Variants in PAOX observed in about 807,000 individuals in gnomAD.
The protein encoded by PAOX is peroxisomal N(1)-acetyl-spermine/spermidine oxidase.
In PAOX, 38 loss-of-function variants were observed where a neutral mutation model predicts 39.0. That is an observed-to-expected ratio of 0.97 (90% CI 0.75 to 1.28). PAOX has a LOEUF of 1.28. Among genes scored for constraint, PAOX ranks in the 50% most tolerant of loss-of-function variants. The pLI is 0.00. For missense variants in PAOX, 667 were observed against 685.7 expected, an observed-to-expected ratio of 0.97 and a Z score of 0.30; for synonymous variants, 311 against 314.4, an observed-to-expected ratio of 0.99 and a Z score of 0.11.
intron 6 of PAOX, 27 bp from the exon 7 acceptor site, chr10:133,391,285 C>G (rs771452460): frequency 1.2e-6 from 2 of 1,605,560 alleles, no homozygotes; most frequent in Non-Finnish European, 1.7e-6. Flanking sequence ...ATTGCATCCC[C>G]ATTCTAACCC....
Position 133,379,533 on chromosome 10 carries a change from A to G in PAOX, c.181+36A>G, listed in dbSNP as rs1278016565. 4.9e-6 allele frequency: 6 copies of G among 1,222,610 alleles called. No individual in the cohort carries two copies. In the East Asian group the frequency reaches 1.3e-4, roughly 26 times the overall value. The allele number at this position is 1,222,610 out of a possible 1,614,324, so 75.7% of individuals were successfully genotyped here. On this transcript the variant is annotated intron_variant, in intron 1 of 6. Coordinates refer to ENST00000278060, the MANE Select transcript of PAOX (RefSeq NM_152911.4). Reference sequence around the variant, plus strand: ...CTCCCGGAGCCCCTCCCGGAACCCAACCGGCTGCGCCCGAACTCGCCGGCC... The same window carrying G: ...CTCCCGGAGCCCCTCCCGGAACCCAGCCGGCTGCGCCCGAACTCGCCGGCC...
rs1411672361 is a variant in PAOX, at chr10:133,391,689, G to A, written c.*234G>A. 1 of 630,860 alleles carries A rather than the reference G, an allele frequency of 1.6e-6. No homozygotes were observed. The highest frequency in any genetic ancestry group is 1.9e-5 in the African/African-American group (1 of 53,978). 39.1% of individuals were successfully genotyped at this position (630,860 alleles called of 1,614,324 possible). A position where few individuals can be genotyped will look rare whatever the true frequency, so the allele number is the denominator to read the frequency against. ...TGCTGGACACATAAAGCAAGTTACA[G>A]CCACAGCTCCCAGAGCCATCTTTCC... On this transcript the variant is annotated 3_prime_UTR_variant, in exon 7 of 7. Coordinates refer to ENST00000278060, the MANE Select transcript of PAOX (RefSeq NM_152911.4).
intron 5 of PAOX, 73 bp downstream of exon 5, chr10:133,389,141 T>C: frequency 7.7e-7 from 1 of 1,291,152 alleles, no homozygotes; most frequent in Non-Finnish European, 1.1e-6. Flanking sequence ...AAACTAGACT[T>C]TGCAGAACAG....
At position 133,391,420 on chromosome 10, in the gene PAOX, G is replaced by A. The variant is rs141719586; in HGVS notation, c.1501G>A (p.Ala501Thr). The change falls in exon 7 of 7, where the codon GCC becomes ACC. Residue 501 changes from alanine to threonine, a missense_variant. Coordinates refer to ENST00000278060, the MANE Select transcript of PAOX (RefSeq NM_152911.4). ...READRLLSLW[A>T]PQVQQPRPRL Reference sequence around the variant, plus strand: ...GGCCGACCGCCTCCTCAGTCTGTGGGCCCCGCAGGTGCAGCAGCCCAGGCC... The same window carrying A: ...GGCCGACCGCCTCCTCAGTCTGTGGACCCCGCAGGTGCAGCAGCCCAGGCC... The A allele has an allele frequency of 1.2e-6, 2 of 1,612,614 alleles. No individual in the cohort carries two copies. Among genetic ancestry groups the A allele is most frequent in the African/African-American group, 2.7e-5 (2 of 74,922 alleles).
intron 4 of PAOX, among the ~76,000 whole-genome samples, chr10:133,387,718 C>T (rs774029279): frequency 1.3e-5 from 2 of 152,182 alleles, no homozygotes; most frequent in African/African-American, 4.8e-5. Context: ...CGCTTCTCCA[C>T]GCAGATTATT....
chr10:133,381,140 G>A (rs1298042695), intron 2 of PAOX, among the ~76,000 whole-genome samples: 1 of 152,240 alleles, frequency 6.6e-6, no homozygotes, highest in Non-Finnish European at 1.5e-5. Context: ...CACCCCTGGT[G>A]TTGGCCCCAA....
Position 133,379,298 on chromosome 10 carries a change from G to C in PAOX, c.-19G>C, listed in dbSNP as rs575048859. On this transcript the variant is annotated 5_prime_UTR_variant, in exon 1 of 7. Coordinates refer to ENST00000278060, the MANE Select transcript of PAOX (RefSeq NM_152911.4). ...ACCTCCCGGCTACTCAGAAGCCCTCGGACTGCCCGGACCGCGCGATGGAGT... is the reference window on the plus strand; with the variant it reads ...ACCTCCCGGCTACTCAGAAGCCCTCCGACTGCCCGGACCGCGCGATGGAGT... 1 of 1,212,380 alleles carries C rather than the reference G, an allele frequency of 8.2e-7. No homozygotes were observed. The highest frequency in any genetic ancestry group is 4.2e-5 in the South Asian group (1 of 23,850). The allele number at this position is 1,212,380 out of a possible 1,614,324, so 75.1% of individuals were successfully genotyped here.
rs918394595 is a variant in PAOX, at chr10:133,390,043, A to G, written c.1392+296A>G. Among the ~76,000 whole-genome samples the G allele has an allele frequency of 3.3e-5, 5 of 152,260 alleles. No individual in the cohort carries two copies. The South Asian group carries it at 6.2e-4, about 19-fold the overall frequency. ...GTGCTCCCAGCTGATTCTCATCGCTAAGTTTACTGCATCTCTAAAAACATG... is the reference window on the plus strand; with the variant it reads ...GTGCTCCCAGCTGATTCTCATCGCTGAGTTTACTGCATCTCTAAAAACATG... On this transcript the variant is annotated intron_variant, in intron 6 of 6. Coordinates refer to ENST00000278060, the MANE Select transcript of PAOX (RefSeq NM_152911.4).
chr10:133,382,808 C>T (rs1193092699), intron 3 of PAOX: 1 of 150,760 alleles, frequency 6.6e-6, no homozygotes, highest in Non-Finnish European at 1.5e-5. Flanking sequence ...CAAAAATCTG[C>T]TGCTCAGTTT....
chr10:133,390,436 A>G lies in PAOX; in HGVS notation c.1392+689A>G, dbSNP rs552708829. Among the ~76,000 whole-genome samples the G allele has an allele frequency of 3.6e-3, 544 of 151,740 alleles. 4 individuals carry two copies. Among genetic ancestry groups the G allele is most frequent in the East Asian group, 7.2e-3 (37 of 5,174 alleles). On this transcript the variant is annotated intron_variant, in intron 6 of 6. Transcript: ENST00000278060. ...CACACACACACACACACACACACAC[A>G]CACACACACAAGTAGCCAGGCATGG...
Position 133,380,444 on chromosome 10 carries a change from G to A in PAOX, c.627G>A (p.Gly209=), listed in dbSNP as rs1390468001. ...SMDLVALAPF[G]EYTVLPGLDC... The stretch of plus-strand genomic sequence containing the variant: ...ACCTGGTGGCCCTGGCACCCTTTGG[G>A]GAGTATACCGTGCTGCCGGGGCTGG... Residue 209 remains glycine, a synonymous_variant, in exon 2 of 7, where the codon GGG becomes GGA. Coordinates refer to ENST00000278060, the MANE Select transcript of PAOX (RefSeq NM_152911.4). 1.9e-6 allele frequency: 3 copies of A among 1,611,916 alleles called. No individual in the cohort carries two copies. The highest frequency in any genetic ancestry group is 1.7e-6 in the Non-Finnish European group (2 of 1,179,988).
In PAOX at chr10:133,389,049, A is replaced by G. The variant is rs762102199; in HGVS notation, c.1215A>G (p.Gln405=). The G allele has an allele frequency of 5.6e-6, 9 of 1,613,562 alleles. No individual in the cohort carries two copies. Among genetic ancestry groups the G allele is most frequent in the South Asian group, 5.5e-5 (5 of 91,062 alleles). The change falls in exon 5 of 7, where the codon CAA becomes CAG. Residue 405 remains glutamine, a synonymous_variant. Coordinates refer to ENST00000278060, the MANE Select transcript of PAOX (RefSeq NM_152911.4). ...SDEEVLLCLT[Q]VLRRVTGNPR... ...AAGAAGTACTTCTGTGTCTCACCCA[A>G]GTGCTCCGGAGAGTGACAGGTAGGT...
At chr10:133,382,159 C>G (rs570312771) in intron 3 of PAOX, among the ~76,000 whole-genome samples, 2 of 152,200 alleles carry the variant, frequency 1.3e-5, no homozygotes, top group Non-Finnish European at 2.9e-5. Context: ...ATTTGCTTCC[C>G]ACGGGTTTCA....
chr10:133,384,171 G>A lies in PAOX; in HGVS notation c.1080G>A (p.Trp360Ter). Residue 360 changes from tryptophan to a stop codon, truncating the protein, a stop_gained, in exon 4 of 7, where the codon TGG (tryptophan) becomes TGA (stop). Transcript: ENST00000278060. LOFTEE classifies it high-confidence loss of function. The surrounding 1 kb of genome is among the most constrained non-coding windows in gnomAD (Gnocchi z 4.3). ...EDAAPELQDA[W>*]FRKLIGFVVL... is the part of the protein sequence containing the mutation. ...CTGCCCCTGAGCTACAGGACGCCTGGTTCCGGAAGCTCATTGGCTTTGTGG... is the reference window on the plus strand; with the variant it reads ...CTGCCCCTGAGCTACAGGACGCCTGATTCCGGAAGCTCATTGGCTTTGTGG... 11 of 1,614,128 alleles carry A rather than the reference G, an allele frequency of 6.8e-6. No homozygotes were observed. Among genetic ancestry groups the A allele is most frequent in the Non-Finnish European group, 9.3e-6 (11 of 1,180,032 alleles).
Position 133,380,001 on chromosome 10 carries a change from G to A in PAOX, c.184G>A (p.Gly62Ser). The stretch of plus-strand genomic sequence containing the variant: ...TGGCATCTGCTGTCCCCTCGCAGGT[G>A]GCGTGGTGGAGGTGGGCGCGCACTG... ...GRIRSERCFG[G>S]VVEVGAHWIH... Residue 62 changes from glycine to serine, a missense_variant and splice_region_variant, in exon 2 of 7, where the codon GGC becomes AGC. By Grantham distance (56) the Gly-to-Ser change is moderately conservative. Coordinates refer to ENST00000278060, the MANE Select transcript of PAOX (RefSeq NM_152911.4). 6.6e-7 allele frequency: 1 copy of A among 1,509,146 alleles called. No individual in the cohort carries two copies. The highest frequency in any genetic ancestry group is 2.3e-5 in the East Asian group (1 of 44,016). The allele number at this position is 1,509,146 out of a possible 1,614,324, so 93.5% of individuals were successfully genotyped here. A position where few individuals can be genotyped will look rare whatever the true frequency, so the allele number is the denominator to read the frequency against.
At chr10:133,383,510 G>A (rs1483692907) in intron 3 of PAOX, among the ~76,000 whole-genome samples, 1 of 151,538 alleles carries the variant, frequency 6.6e-6, no homozygotes. Flanking sequence ...AGCTGAGGCA[G>A]GAGAATCACT....
chr10:133,385,457 G>C, intron 4 of PAOX, among the ~76,000 whole-genome samples: 1 of 35,812 alleles, frequency 2.8e-5, no homozygotes, highest in Non-Finnish European at 1.5e-4. Context: ...TGAGTGCTTT[G>C]GTGGGACCCT....
rs747212937 is a variant in PAOX at position 133,389,614 on chromosome 10, A to G, written c.1259A>G (p.Lys420Arg). ...VTGNPRLPAPKSVLRSRWHSA... is the reference protein window; with the variant it reads ...VTGNPRLPAPRSVLRSRWHSA... ...GGAAACCCACGGCTCCCCGCGCCCA[A>G]GAGCGTCCTGCGGTCTCGCTGGCAC... Residue 420 changes from lysine (K) to arginine (R), a missense_variant, in exon 6 of 7, where the codon AAG becomes AGG. Physicochemically the swap from Lys to Arg is conservative, Grantham distance 26. Transcript: ENST00000278060. The G allele has an allele frequency of 6.2e-6, 10 of 1,613,748 alleles. No individual in the cohort carries two copies. The highest frequency in any genetic ancestry group is 8.5e-6 in the Non-Finnish European group (10 of 1,180,006).
intron 4 of PAOX, among the ~76,000 whole-genome samples, chr10:133,386,367 C>G (rs745962433): frequency 2.0e-5 from 3 of 152,028 alleles, no homozygotes; most frequent in African/African-American, 4.8e-5. Flanking sequence ...TAGAAGACAT[C>G]TGGGTTCTCA....
Sources: gnomAD v4.1 joint callset for allele counts (sites outside exome capture counted in the v4.1 genomes callset) on GRCh38, gnomAD v4.1.1 for gene constraint, Gnocchi (gnomAD v3.1) non-coding constraint, MANE v1.5 for transcripts, NCBI Gene and HGNC (gene_info 2026-07-23, HGNC 2026-07-21) for gene names.